Variants in NEU3 observed in about 807,000 individuals in gnomAD.
The protein encoded by NEU3 is neuraminidase 3, also known as sialidase-3.
In NEU3, 10 loss-of-function variants were observed where a neutral mutation model predicts 11.4. The ratio of observed to expected loss-of-function variants is 0.88; its 90% CI spans 0.54 to 1.49. The LOEUF (loss-of-function observed/expected upper bound fraction) is 1.49. Ranked by LOEUF, NEU3 falls within the 40% of genes most tolerant of loss-of-function variation. The pLI is 0.00. For synonymous variants in NEU3, 212 were observed against 228.2 expected, an observed-to-expected ratio of 0.93 and a Z score of 0.64; for missense variants, 529 against 581.8, an observed-to-expected ratio of 0.91 and a Z score of 0.93.
At chr11:74,999,876 C>T (rs1948826042) in intron 2 of NEU3, among the ~76,000 whole-genome samples, 2 of 152,212 alleles carry the variant, frequency 1.3e-5, no homozygotes, top group Admixed American at 1.3e-4. Context: ...TTCATGCCCT[C>T]TGAGTAGTCT....
Position 75,005,778 on chromosome 11 carries a change from G to A in NEU3, c.672G>A (p.Gln224=), listed in dbSNP as rs1948891041. The part of the protein sequence containing the change: ...YYIPSWFFCF[Q]LPCKTRPHSL... ...TCCCTTCCTGGTTCTTTTGCTTCCA[G>A]CTACCATGTAAAACCAGGCCTCATT... is the stretch of plus-strand genomic sequence containing the variant. The change falls in exon 3 of 3, where the codon CAG becomes CAA. Residue 224 remains glutamine (Q), a synonymous_variant. Coordinates refer to ENST00000294064, the MANE Select transcript of NEU3 (RefSeq NM_006656.6). The A allele has an allele frequency of 6.2e-7, 1 of 1,613,740 alleles. No homozygotes were observed. The highest frequency in any genetic ancestry group is 8.5e-7 in the Non-Finnish European group (1 of 1,179,798).
upstream of NEU3, chr11:74,988,365 T>TA: frequency 6.6e-6 from 1 of 152,170 alleles, no homozygotes; most frequent in Middle Eastern, 3.4e-3. Flanking sequence ...TAGTCCCAGA[T>TA]AAAAAATGAC....
intron 2 of NEU3, among the ~76,000 whole-genome samples, chr11:74,997,175 A>G (rs1035731939): frequency 6.6e-6 from 1 of 152,206 alleles, no homozygotes; most frequent in East Asian, 1.9e-4. Flanking sequence ...TCTACAGGGA[A>G]AATCTGTTGT....
downstream of NEU3, chr11:75,011,005 G>C (rs911797035): frequency 3.3e-5 from 5 of 151,614 alleles, no homozygotes; most frequent in African/African-American, 1.2e-4. Context: ...GCAATTTCTT[G>C]GTTTTTCATA....
At chr11:74,983,218 A>C in the NEU3 span, among the ~76,000 whole-genome samples, 2 of 152,176 alleles carry the variant, frequency 1.3e-5, no homozygotes, top group Non-Finnish European at 2.9e-5. Flanking sequence ...CATTTAATGT[A>C]CTGCTGTTTT....
At chr11:75,018,696 C>G (rs1565501072) in exon 4 of NEU3, 1 of 152,090 alleles carries the variant, frequency 6.6e-6, no homozygotes, top group Non-Finnish European at 1.5e-5. Context: ...TCTAGAGAAC[C>G]CTGACTAATA....
chr11:75,005,285 A>T, intron 2 of NEU3, 128 bp from the exon 3 acceptor site: 2 of 962,142 alleles, frequency 2.1e-6, no homozygotes, highest in Non-Finnish European at 3.0e-6. Flanking sequence ...GTGAGTAGTT[A>T]GGCCTTCGTG....
At chr11:75,018,837 GA>G (rs1948991471) in exon 4 of NEU3, 1 of 152,486 alleles carries the variant, frequency 6.6e-6, no homozygotes, top group Non-Finnish European at 1.5e-5. Flanking sequence ...GAAAAATGTG[GA>G]AAAGTTTGGA....
downstream of NEU3, among the ~76,000 whole-genome samples, chr11:75,019,802 C>G (rs914495017): frequency 2.6e-5 from 4 of 152,142 alleles, no homozygotes; most frequent in Admixed American, 6.5e-5. Context: ...GGGGTTGGAG[C>G]CCCCACACAG....
At chr11:74,997,797 G>A (rs1948806141) in intron 2 of NEU3, among the ~76,000 whole-genome samples, 1 of 151,920 alleles carries the variant, frequency 6.6e-6, no homozygotes, top group Admixed American at 6.6e-5. Flanking sequence ...CAGGAGGCGG[G>A]GGTTGCAGTG....
intron 2 of NEU3, among the ~76,000 whole-genome samples, chr11:75,004,102 G>T (rs1386086017): frequency 6.6e-6 from 1 of 152,068 alleles, no homozygotes; most frequent in Non-Finnish European, 1.5e-5. Flanking sequence ...CCAGAATTGG[G>T]CATGATGGGA....
chr11:74,995,633 AT>A (rs1228900232), intron 2 of NEU3, among the ~76,000 whole-genome samples: 1 of 152,192 alleles, frequency 6.6e-6, no homozygotes, highest in Non-Finnish European at 1.5e-5. Flanking sequence ...GTGTAGTAGC[AT>A]TATGTCTAAC....
chr11:74,998,881 A>G (rs1948817285), intron 2 of NEU3, among the ~76,000 whole-genome samples: 1 of 152,218 alleles, frequency 6.6e-6, no homozygotes, highest in Admixed American at 6.5e-5. Context: ...GCCCAGTAGT[A>G]CTTGGGATTC....
chr11:74,995,894 C>T (rs948679563), intron 2 of NEU3, among the ~76,000 whole-genome samples: 2 of 151,968 alleles, frequency 1.3e-5, no homozygotes, highest in African/African-American at 4.8e-5. Flanking sequence ...TGGCTCATGC[C>T]TGTAATCCCA....
At position 74,994,537 on chromosome 11, in the gene NEU3, C is replaced by T; in HGVS notation, c.123C>T (p.Ser41=). The T allele has an allele frequency of 6.2e-7, 1 of 1,612,890 alleles. No individual in the cohort carries two copies. Among genetic ancestry groups the T allele is most frequent in the Non-Finnish European group, 8.5e-7 (1 of 1,179,192 alleles). Residue 41 remains serine (S), a synonymous_variant, in exon 2 of 3, where the codon TCC becomes TCT. Coordinates refer to ENST00000294064, the MANE Select transcript of NEU3 (RefSeq NM_006656.6). ...AEVMEEVTTC[S]FNSPLFRQED... Reference sequence around the variant, plus strand: ...TCATGGAAGAAGTGACAACATGCTCCTTCAACAGCCCTCTGTTCCGGCAGG... The same window carrying T: ...TCATGGAAGAAGTGACAACATGCTCTTTCAACAGCCCTCTGTTCCGGCAGG...
chr11:75,017,475 G>T (rs558027099), intron 3 of NEU3, among the ~76,000 whole-genome samples: 1 of 152,330 alleles, frequency 6.6e-6, no homozygotes, highest in South Asian at 2.1e-4. Flanking sequence ...CCAGCCAAGA[G>T]TGGAGCTCCC....
rs1004697598 is a variant in NEU3 at position 75,004,374 on chromosome 11, G to T, written c.307-1039G>T. ...GACTCAAGCTATTCTAAAGTGCTGG[G>T]ATTACAGCATGAGCCACTGTGCCTG... is the stretch of plus-strand genomic sequence containing the variant. On this transcript the variant is annotated intron_variant, in intron 2 of 2. Transcript: ENST00000294064. 4.4e-5 allele frequency: 27 copies of T among 606,834 alleles called. No homozygotes were observed. In the African/African-American group the frequency reaches 5.0e-4, roughly 11 times the overall value. 37.6% of individuals were successfully genotyped at this position (606,834 alleles called of 1,614,324 possible). A position where few individuals can be genotyped will look rare whatever the true frequency, so the allele number is the denominator to read the frequency against.
At chr11:74,981,963 C>T in the NEU3 span, among the ~76,000 whole-genome samples, 1 of 152,050 alleles carries the variant, frequency 6.6e-6, no homozygotes, top group Non-Finnish European at 1.5e-5. Context: ...AACATGCTGC[C>T]CAGATTGTAC....
intron 2 of NEU3, among the ~76,000 whole-genome samples, chr11:75,001,086 G>C (rs1007143741): frequency 6.6e-6 from 1 of 151,988 alleles, no homozygotes; most frequent in Non-Finnish European, 1.5e-5. Context: ...ACAGTACACA[G>C]TGGTTCTAGT....
Sources: allele counts gnomAD v4.1 joint callset (sites outside exome capture counted in the v4.1 genomes callset), GRCh38; gene constraint gnomAD v4.1.1; transcripts MANE v1.5; gene names NCBI Gene and HGNC (gene_info 2026-07-23, HGNC 2026-07-21).